The following MCU variants were observed in gnomAD, a reference collection of about 807,000 sequenced individuals.
The protein encoded by MCU is calcium uniporter protein, mitochondrial.
Under a neutral mutation model 45.2 loss-of-function variants are expected in MCU, and 12 were observed. The ratio of observed to expected loss-of-function variants is 0.27; its 90% CI spans 0.17 to 0.43. The LOEUF (loss-of-function observed/expected upper bound fraction) is 0.43, where lower values mean the gene tolerates loss of function less well. MCU is among the 20% of genes least tolerant of loss of function. The pLI, the probability that MCU is intolerant of heterozygous loss-of-function variation, is 1.00. For synonymous variants in MCU, 160 were observed against 165.1 expected, an observed-to-expected ratio of 0.97 and a Z score of 0.24; for missense variants, 324 against 436.7, an observed-to-expected ratio of 0.74 and a Z score of 2.30.
intron 1 of MCU, among the ~76,000 whole-genome samples, chr10:72,759,059 A>T (rs889540994): frequency 2.0e-5 from 3 of 152,152 alleles, no homozygotes; most frequent in African/African-American, 7.2e-5. Flanking sequence ...GCAAGTCTGC[A>T]TGTAGGGTAA....
intron 2 of MCU, among the ~76,000 whole-genome samples, chr10:72,837,708 ATACT>A (rs2132839227): frequency 6.6e-6 from 1 of 152,246 alleles, no homozygotes; most frequent in African/African-American, 2.4e-5. Context: ...TATATGGTTT[ATACT>A]TACTTGAAGT....
intron 1 of MCU, among the ~76,000 whole-genome samples, chr10:72,724,420 G>A (rs1214003100): frequency 1.3e-5 from 2 of 152,186 alleles, no homozygotes; most frequent in Non-Finnish European, 2.9e-5. Context: ...TCATAGAGAT[G>A]TTGGTCTTTT....
At chr10:72,731,365 A>G (rs1012036428) in intron 1 of MCU, among the ~76,000 whole-genome samples, 1 of 152,244 alleles carries the variant, frequency 6.6e-6, no homozygotes, top group Non-Finnish European at 1.5e-5. Flanking sequence ...CTGAGTGCCC[A>G]AGGAATGGAT....
intron 6 of MCU, among the ~76,000 whole-genome samples, chr10:72,873,571 C>T (rs183504279): frequency 6.6e-6 from 1 of 152,250 alleles, no homozygotes; most frequent in East Asian, 1.9e-4. Context: ...CCTCACTCTG[C>T]TGACCGTTTC....
chr10:72,722,574 C>G (rs1040603715), intron 1 of MCU, among the ~76,000 whole-genome samples: 7 of 150,424 alleles, frequency 4.7e-5, no homozygotes, highest in African/African-American at 1.7e-4. Context: ...CTAGTGTAAC[C>G]AGAGTTGAAA....
intron 1 of MCU, among the ~76,000 whole-genome samples, chr10:72,815,408 C>G (rs1479941214): frequency 2.0e-5 from 3 of 152,196 alleles, no homozygotes; most frequent in Non-Finnish European, 4.4e-5. Flanking sequence ...GATGACTACC[C>G]TGTGGCCCAG....
At chr10:72,881,303 T>C (rs1845697227) in intron 6 of MCU, among the ~76,000 whole-genome samples, 1 of 152,190 alleles carries the variant, frequency 6.6e-6, no homozygotes, top group South Asian at 2.1e-4. Flanking sequence ...ATAGCTATTC[T>C]CTTATAGCTC....
At position 72,706,469 on chromosome 10, in the gene MCU, T is replaced by G. The variant is rs1046957412; in HGVS notation, c.150+14168T>G. ...CACACATTCTTTGGTTTTCCAGTTA[T>G]TACAGTACAAAAGTGTCGGTATTTA... On this transcript the variant is annotated intron_variant, in intron 1 of 7. Transcript: ENST00000373053. Among the ~76,000 whole-genome samples the G allele has an allele frequency of 3.3e-5, 5 of 152,198 alleles. No individual in the cohort carries two copies. The South Asian group carries it at 1.0e-3, about 31-fold the overall frequency.
At chr10:72,742,022 C>CAAAAAAAAAAAAAAAAAAAAAAAAA (rs59028044) in intron 1 of MCU, among the ~76,000 whole-genome samples, 1 of 72,888 alleles carries the variant, frequency 1.4e-5, no homozygotes, top group African/African-American at 5.6e-5. Context: ...GACTCCGTCT[C>CAAAAAAAAAAAAAAAAAAAAAAAAA]AAAAAAAAAA....
chr10:72,744,838 G>A (rs1390887406), intron 1 of MCU, among the ~76,000 whole-genome samples: 1 of 152,220 alleles, frequency 6.6e-6, no homozygotes, highest in African/African-American at 2.4e-5. Flanking sequence ...CGAATGGTTA[G>A]ATAGACCTCT....
chr10:72,701,797 C>T (rs1327377509), intron 1 of MCU, among the ~76,000 whole-genome samples: 2 of 151,976 alleles, frequency 1.3e-5, no homozygotes, highest in Non-Finnish European at 2.9e-5. Flanking sequence ...TCCCAAAATG[C>T]TGGGATTACA....
At chr10:72,803,142 C>A (rs1844368023) in intron 1 of MCU, among the ~76,000 whole-genome samples, 1 of 151,990 alleles carries the variant, frequency 6.6e-6, no homozygotes, top group South Asian at 2.1e-4. Context: ...CTGGGTAATC[C>A]ATTTTGGCTT....
rs373995345 is a variant in MCU, at chr10:72,699,378, G to A, written c.150+7077G>A. Reference sequence around the variant, plus strand: ...AAAAATTAGCTGGGTGTGGTGGTGCGCGCCTGTAATCCCAACTACTCGGGA... The same window carrying A: ...AAAAATTAGCTGGGTGTGGTGGTGCACGCCTGTAATCCCAACTACTCGGGA... On this transcript the variant is annotated intron_variant, in intron 1 of 7. Coordinates refer to ENST00000373053, the MANE Select transcript of MCU (RefSeq NM_138357.3). Among the ~76,000 whole-genome samples, 8 of 151,940 alleles carry A rather than the reference G, an allele frequency of 5.3e-5. No homozygotes were observed. In the South Asian group the frequency reaches 6.2e-4, roughly 12 times the overall value.
chr10:72,765,920 G>A (rs916842076), intron 1 of MCU, among the ~76,000 whole-genome samples: 15 of 151,684 alleles, frequency 9.9e-5, no homozygotes, highest in Admixed American at 2.6e-4. Context: ...GACATGGAGT[G>A]CAATGGCGAG....
At chr10:72,719,066 G>T (rs1198970366) in intron 1 of MCU, among the ~76,000 whole-genome samples, 6 of 151,944 alleles carry the variant, frequency 3.9e-5, no homozygotes, top group Non-Finnish European at 5.9e-5. Context: ...TACATGGGTG[G>T]GTTCATTTTG....
intron 1 of MCU, among the ~76,000 whole-genome samples, chr10:72,800,988 T>C (rs879760766): frequency 1.3e-5 from 2 of 151,650 alleles, no homozygotes; most frequent in Non-Finnish European, 2.9e-5. Context: ...TAGTCCTAGG[T>C]ACTTGAGAGG....
chr10:72,804,873 G>A (rs1844406597), intron 1 of MCU, among the ~76,000 whole-genome samples: 1 of 152,240 alleles, frequency 6.6e-6, no homozygotes, highest in African/African-American at 2.4e-5. Context: ...CCAGGCCCAA[G>A]CGATCTTGCC....
chr10:72,760,881 C>A (rs1843647373), intron 1 of MCU, among the ~76,000 whole-genome samples: 1 of 151,728 alleles, frequency 6.6e-6, no homozygotes, highest in South Asian at 2.1e-4. Context: ...ATTCAATAGA[C>A]AAGGCAACTA....
chr10:72,722,041 G>A (rs889389931), intron 1 of MCU, among the ~76,000 whole-genome samples: 1 of 151,936 alleles, frequency 6.6e-6, no homozygotes, highest in Non-Finnish European at 1.5e-5. Flanking sequence ...CATCATTGTG[G>A]GTTTGAAGAT....
Sources: allele counts gnomAD v4.1 joint callset (sites outside exome capture counted in the v4.1 genomes callset), GRCh38; gene constraint gnomAD v4.1.1; transcripts MANE v1.5; gene names NCBI Gene and HGNC (gene_info 2026-07-23, HGNC 2026-07-21).